ROBO2: variants seen among roughly 807,000 people sequenced by gnomAD.
ROBO2 encodes roundabout guidance receptor 2.
A neutral mutation model predicts 160.8 loss-of-function variants in ROBO2; 53 were observed. The ratio of observed to expected loss-of-function variants is 0.33; its 90% CI spans 0.26 to 0.41. ROBO2 has a LOEUF of 0.41. Among genes scored for constraint, ROBO2 ranks in the 10% least tolerant of loss-of-function variants. The pLI is 1.00. For synonymous variants in ROBO2, 664 were observed against 611.7 expected (o/e 1.09, Z -1.26); for missense variants, 1,577 against 1,722.4 (o/e 0.92, Z 1.49).
chr3:76,001,386 A>G (rs2065882680), intron 2 of ROBO2, among the ~76,000 whole-genome samples: 1 of 152,190 alleles, frequency 6.6e-6, no homozygotes, highest in Non-Finnish European at 1.5e-5. Context: ...TAGATACACA[A>G]CACACTTTCA....
chr3:76,658,087 A>C (rs188547895), intron 2 of ROBO2, among the ~76,000 whole-genome samples: 34 of 147,250 alleles, frequency 2.3e-4, no homozygotes, highest in African/African-American at 8.5e-4. Flanking sequence ...TAAATAAATA[A>C]ATAAATAAAT....
intron 2 of ROBO2, among the ~76,000 whole-genome samples, chr3:76,528,201 C>T (rs558998867): frequency 1.3e-5 from 2 of 152,226 alleles, no homozygotes; most frequent in South Asian, 4.1e-4. Flanking sequence ...ATTTTTACTG[C>T]ACAATTAATG....
chr3:76,649,146 A>C (rs2091133454), intron 2 of ROBO2, among the ~76,000 whole-genome samples: 1 of 152,156 alleles, frequency 6.6e-6, no homozygotes, highest in Non-Finnish European at 1.5e-5. Context: ...TGGAAGCAGA[A>C]AAATGTGGCT....
At chr3:77,096,670 G>A (rs1464896724) in intron 1 of ROBO2, among the ~76,000 whole-genome samples, 3 of 151,892 alleles carry the variant, frequency 2.0e-5, no homozygotes, top group Non-Finnish European at 2.9e-5. Flanking sequence ...GGCTGGTCTC[G>A]AACTCCTGAC....
intron 2 of ROBO2, among the ~76,000 whole-genome samples, chr3:77,159,480 A>G (rs2078301083): frequency 6.6e-6 from 1 of 152,138 alleles, no homozygotes; most frequent in South Asian, 2.1e-4. Flanking sequence ...CAGCTCTTCC[A>G]TAGTGGATTT....
In ROBO2 at chr3:76,046,839, A is replaced by G. The variant is rs190247661; in HGVS notation, c.109+109237A>G. ...ATCACGTATGGTCTTGTTACTGGTTACATTTCCTCCTTTGTGCATGTTAAT... is the reference window on the plus strand; with the variant it reads ...ATCACGTATGGTCTTGTTACTGGTTGCATTTCCTCCTTTGTGCATGTTAAT... On this transcript the variant is annotated intron_variant, in intron 2 of 26. Transcript: ENST00000487694. Among the ~76,000 whole-genome samples, 22 of 150,680 alleles carry G rather than the reference A, an allele frequency of 1.5e-4. No homozygotes were observed. The East Asian group carries it at 3.1e-3, about 21-fold the overall frequency.
At chr3:77,461,642 A>T (rs7622754) in intron 2 of ROBO2, among the ~76,000 whole-genome samples, 3,428 of 151,888 alleles carry the variant, frequency 0.023, 126 homozygotes, top group African/African-American at 0.077. Flanking sequence ...TTAGATTTTT[A>T]AAAAAAATTT....
intron 1 of ROBO2, among the ~76,000 whole-genome samples, chr3:75,920,283 T>C (rs1188345113): frequency 6.6e-6 from 1 of 152,240 alleles, no homozygotes; most frequent in African/African-American, 2.4e-5. Context: ...AATTTTGCTA[T>C]TTACCCAGTA....
chr3:77,459,888 C>A (rs1458800562), intron 2 of ROBO2, among the ~76,000 whole-genome samples: 2 of 134,352 alleles, frequency 1.5e-5, no homozygotes, highest in Non-Finnish European at 3.1e-5. Flanking sequence ...TCTCTTGAAC[C>A]TTGTAGGCCA....
At chr3:76,877,339 G>A (rs986034944) in intron 2 of ROBO2, among the ~76,000 whole-genome samples, 19 of 152,090 alleles carry the variant, frequency 1.2e-4, no homozygotes, top group African/African-American at 4.1e-4. Flanking sequence ...AGAATACGAC[G>A]CTGTTAGGCC....
intron 2 of ROBO2, among the ~76,000 whole-genome samples, chr3:76,948,472 T>A (rs2078706742): frequency 1.3e-5 from 2 of 151,860 alleles, no homozygotes; most frequent in Admixed American, 1.3e-4. Flanking sequence ...TGTCTTTCTG[T>A]GCTACATTGT....
At chr3:76,954,627 G>A (rs1466985802) in intron 2 of ROBO2, among the ~76,000 whole-genome samples, 2 of 152,088 alleles carry the variant, frequency 1.3e-5, no homozygotes, top group Non-Finnish European at 2.9e-5. Context: ...TGTTATTCTG[G>A]CTTATAACAA....
At chr3:76,308,502 T>G (rs2071428791) in intron 2 of ROBO2, among the ~76,000 whole-genome samples, 1 of 152,168 alleles carries the variant, frequency 6.6e-6, no homozygotes, top group African/African-American at 2.4e-5. Context: ...TGTAATAAGT[T>G]AGCTAATTTG....
intron 6 of ROBO2, among the ~76,000 whole-genome samples, chr3:77,533,125 C>G (rs1003191306): frequency 1.3e-5 from 2 of 151,914 alleles, no homozygotes; most frequent in Non-Finnish European, 2.9e-5. Flanking sequence ...ATTCAATAAC[C>G]CTTATTTAGA....
At chr3:77,604,879 A>G (rs1373671301) in intron 20 of ROBO2, among the ~76,000 whole-genome samples, 2 of 152,252 alleles carry the variant, frequency 1.3e-5, no homozygotes, top group Admixed American at 1.3e-4. Flanking sequence ...ATTTGAGTGT[A>G]TTACCCTCTT....
At chr3:77,197,820 G>T (rs1473045194) in intron 2 of ROBO2, among the ~76,000 whole-genome samples, 1 of 152,174 alleles carries the variant, frequency 6.6e-6, no homozygotes, top group Admixed American at 6.5e-5. Context: ...GGTGTGGCCA[G>T]TCTAGTTACA....
intron 2 of ROBO2, among the ~76,000 whole-genome samples, chr3:76,647,969 G>A (rs931979620): frequency 4.6e-5 from 7 of 152,102 alleles, no homozygotes; most frequent in Admixed American, 2.0e-4. Context: ...GTTACAGCAA[G>A]GCCAGCCATA....
chr3:77,244,750 C>T (rs1254727060), intron 2 of ROBO2, among the ~76,000 whole-genome samples: 1 of 151,752 alleles, frequency 6.6e-6, no homozygotes, highest in Non-Finnish European at 1.5e-5. Context: ...TGGTGGTGCG[C>T]ACCTGCAGTC....
chr3:77,424,042 C>T (rs1426894667), intron 2 of ROBO2, among the ~76,000 whole-genome samples: 1 of 152,014 alleles, frequency 6.6e-6, no homozygotes, highest in Admixed American at 6.6e-5. Flanking sequence ...AATACTGATG[C>T]TCAGAAAAAT....
Sources: gnomAD v4.1 joint callset for allele counts (sites outside exome capture counted in the v4.1 genomes callset) on GRCh38, gnomAD v4.1.1 for gene constraint, MANE v1.5 for transcripts, NCBI Gene and HGNC (gene_info 2026-07-23, HGNC 2026-07-21) for gene names.